Variants in SLC20A2 observed in about 807,000 individuals in gnomAD.
SLC20A2 encodes the protein solute carrier family 20 member 2.
A neutral mutation model predicts 61.0 loss-of-function variants in SLC20A2; 30 were observed. The ratio of observed to expected loss-of-function variants is 0.49; its 90% CI spans 0.37 to 0.67. SLC20A2 has a LOEUF of 0.67. Ranked by LOEUF, SLC20A2 falls within the 30% of genes least tolerant of loss-of-function variation. SLC20A2 has a pLI of 0.00. For missense variants in SLC20A2, 626 were observed against 866.4 expected, an observed-to-expected ratio of 0.72 and a Z score of 3.48; for synonymous variants, 351 against 353.3, an observed-to-expected ratio of 0.99 and a Z score of 0.07.
intron 1 of SLC20A2, among the ~76,000 whole-genome samples, chr8:42,498,563 G>C (rs773926149): frequency 9.9e-5 from 15 of 152,074 alleles, no homozygotes; most frequent in African/African-American, 2.9e-4. Flanking sequence ...ATGTGCTGTG[G>C]GGTGCTTAAT....
intron 1 of SLC20A2, among the ~76,000 whole-genome samples, chr8:42,492,693 CT>C (rs879941614): frequency 3.1e-3 from 446 of 144,582 alleles, no homozygotes; most frequent in Non-Finnish European, 4.6e-3. Flanking sequence ...ACTTGGTTTT[CT>C]TTTTTTTTTT....
intron 1 of SLC20A2, among the ~76,000 whole-genome samples, chr8:42,525,055 T>C (rs79861104): frequency 2.0e-3 from 311 of 152,280 alleles, no homozygotes; most frequent in African/African-American, 7.3e-3. Flanking sequence ...CATCTTTTGT[T>C]AGCTGTCTAC....
chr8:42,469,460 C>T (rs1190312119), intron 2 of SLC20A2, among the ~76,000 whole-genome samples: 4 of 152,100 alleles, frequency 2.6e-5, no homozygotes, highest in African/African-American at 9.7e-5. Context: ...AGCCAAACGC[C>T]AGGGGTGGGG....
intron 1 of SLC20A2, among the ~76,000 whole-genome samples, chr8:42,476,680 A>G (rs1452984653): frequency 2.0e-5 from 3 of 152,004 alleles, no homozygotes; most frequent in African/African-American, 4.8e-5. Flanking sequence ...CATTTCCACA[A>G]TTGTGCCTAT....
At chr8:42,419,137 T>G (rs548316182) in intron 10 of SLC20A2, among the ~76,000 whole-genome samples, 1 of 152,206 alleles carries the variant, frequency 6.6e-6, no homozygotes, top group African/African-American at 2.4e-5. Flanking sequence ...CTTTACCCAA[T>G]TCACTATTTT....
intron 1 of SLC20A2, among the ~76,000 whole-genome samples, chr8:42,499,534 T>A (rs1810188392): frequency 6.6e-6 from 1 of 152,186 alleles, no homozygotes; most frequent in Non-Finnish European, 1.5e-5. Flanking sequence ...GAAACGTCTG[T>A]GAAATTAAAC....
At chr8:42,488,779 G>A (rs1809258157) in intron 1 of SLC20A2, among the ~76,000 whole-genome samples, 1 of 152,038 alleles carries the variant, frequency 6.6e-6, no homozygotes, top group Admixed American at 6.6e-5. Flanking sequence ...ATTGTGGTAT[G>A]ATTTTTCATT....
chr8:42,465,578 G>A (rs1807089611), intron 3 of SLC20A2, among the ~76,000 whole-genome samples, 199 bp downstream of exon 3: 1 of 151,074 alleles, frequency 6.6e-6, no homozygotes, highest in South Asian at 2.1e-4. Flanking sequence ...GTAGTACCAG[G>A]TACTCAGGAG....
chr8:42,451,907 TGGA>T (rs1412020181), intron 5 of SLC20A2, among the ~76,000 whole-genome samples: 6 of 73,016 alleles, frequency 8.2e-5, no homozygotes, highest in Non-Finnish European at 1.3e-4. Context: ...GAGGAAGAGA[TGGA>T]GGAGGAGGAG....
intron 10 of SLC20A2, among the ~76,000 whole-genome samples, chr8:42,426,649 C>T (rs942937268): frequency 9.9e-5 from 15 of 152,030 alleles, no homozygotes; most frequent in African/African-American, 3.6e-4. Context: ...GAGCTGGGAC[C>T]ATGCCACCGC....
At chr8:42,493,594 A>C (rs1285051316) in intron 1 of SLC20A2, among the ~76,000 whole-genome samples, 1 of 152,188 alleles carries the variant, frequency 6.6e-6, no homozygotes, top group African/African-American at 2.4e-5. Context: ...AAAATCTGCT[A>C]AAGTCCCCAG....
At chr8:42,426,949 T>C (rs1803456250) in intron 10 of SLC20A2, among the ~76,000 whole-genome samples, 1 of 152,158 alleles carries the variant, frequency 6.6e-6, no homozygotes. Context: ...TGATGTGGAG[T>C]CCAGAGAAGA....
At chr8:42,496,440 G>C (rs953145610) in intron 1 of SLC20A2, among the ~76,000 whole-genome samples, 1 of 152,160 alleles carries the variant, frequency 6.6e-6, no homozygotes, top group Non-Finnish European at 1.5e-5. Flanking sequence ...AATAAAGGTG[G>C]GTGGAAGAGA....
intron 1 of SLC20A2, among the ~76,000 whole-genome samples, chr8:42,500,694 G>A (rs1810261272): frequency 6.6e-6 from 1 of 152,082 alleles, no homozygotes; most frequent in African/African-American, 2.4e-5. Context: ...TACCATAGTA[G>A]AAAACAAAGC....
chr8:42,480,774 C>T (rs961972916), intron 1 of SLC20A2, among the ~76,000 whole-genome samples: 5 of 152,180 alleles, frequency 3.3e-5, no homozygotes, highest in African/African-American at 1.2e-4. Flanking sequence ...ATCCTCCTAC[C>T]TCAGCCTCTC....
At chr8:42,484,136 G>GA (rs1808763030) in intron 1 of SLC20A2, among the ~76,000 whole-genome samples, 1 of 152,170 alleles carries the variant, frequency 6.6e-6, no homozygotes, top group African/African-American at 2.4e-5. Context: ...TTAGCCAGCA[G>GA]AAAAAACAAC....
At chr8:42,460,162 T>G (rs1221179112) in intron 4 of SLC20A2, 170 bp from the exon 5 acceptor site, 1 of 528,748 alleles carries the variant, frequency 1.9e-6, no homozygotes, top group Non-Finnish European at 3.5e-6. Flanking sequence ...TCTGCAGAAA[T>G]GGCATTGGCT....
At chr8:42,478,607 T>C (rs1808338432) in intron 1 of SLC20A2, among the ~76,000 whole-genome samples, 1 of 152,156 alleles carries the variant, frequency 6.6e-6, no homozygotes, top group Admixed American at 6.5e-5. Flanking sequence ...CAACTACCCA[T>C]GTCTATACAG....
intron 8 of SLC20A2, among the ~76,000 whole-genome samples, chr8:42,434,059 A>C (rs1804059185): frequency 6.6e-6 from 1 of 151,816 alleles, no homozygotes; most frequent in South Asian, 2.1e-4. Flanking sequence ...TAGGTGTGTA[A>C]TTTATTATTA....
Sources: allele counts gnomAD v4.1 joint callset (sites outside exome capture counted in the v4.1 genomes callset), GRCh38; gene constraint gnomAD v4.1.1; transcripts MANE v1.5; gene names NCBI Gene and HGNC (gene_info 2026-07-23, HGNC 2026-07-21).